The following CNTNAP2 variants were observed in gnomAD, a reference collection of about 807,000 sequenced individuals.
The protein encoded by CNTNAP2 is contactin associated protein 2.
A neutral mutation model predicts 155.2 loss-of-function variants in CNTNAP2; 98 were observed. The observed-to-expected ratio is 0.63, with a 90% CI of 0.54 to 0.75. The LOEUF (loss-of-function observed/expected upper bound fraction) is 0.75, where lower values mean the gene tolerates loss of function less well. CNTNAP2 is among the 30% of genes least tolerant of loss of function. The pLI, the probability that CNTNAP2 is intolerant of heterozygous loss-of-function variation, is 0.00. For synonymous variants in CNTNAP2, 651 were observed against 631.2 expected (o/e 1.03, Z -0.47); for missense variants, 1,727 against 1,688.1 (o/e 1.02, Z -0.40).
chr7:147,364,924 A>G (rs1442357618), intron 9 of CNTNAP2, among the ~76,000 whole-genome samples: 1 of 152,108 alleles, frequency 6.6e-6, no homozygotes, highest in African/African-American at 2.4e-5. Flanking sequence ...TTGATATACT[A>G]TGTCACAGGA....
At position 146,785,918 on chromosome 7, in the gene CNTNAP2, G is replaced by A. The variant is rs145967146; in HGVS notation, c.208+11537G>A. Reference sequence around the variant, plus strand: ...TTTGGGTAACAGAATACATTGTATCGGTCCTTAACACTGTATCTGGCTCAT... The same window carrying A: ...TTTGGGTAACAGAATACATTGTATCAGTCCTTAACACTGTATCTGGCTCAT... On this transcript the variant is annotated intron_variant, in intron 2 of 23. Coordinates refer to ENST00000361727, the MANE Select transcript of CNTNAP2 (RefSeq NM_014141.6). Among the ~76,000 whole-genome samples, 334 of 152,180 alleles carry A rather than the reference G, an allele frequency of 2.2e-3. 2 individuals are homozygous for A. The highest frequency in any genetic ancestry group is 7.7e-3 in the African/African-American group (318 of 41,520).
chr7:146,430,143 G>A (rs568811907), intron 1 of CNTNAP2, among the ~76,000 whole-genome samples: 15 of 151,296 alleles, frequency 9.9e-5, no homozygotes, highest in South Asian at 2.1e-4. Context: ...GAGAATATTC[G>A]CATCGATGTT....
intron 11 of CNTNAP2, among the ~76,000 whole-genome samples, chr7:147,515,680 G>T (rs192602452): frequency 6.6e-6 from 1 of 151,922 alleles, no homozygotes; most frequent in Admixed American, 6.6e-5. Context: ...CCTGTCTCCC[G>T]CAATTAGAAT....
chr7:146,625,517 T>G (rs564385099), intron 1 of CNTNAP2, among the ~76,000 whole-genome samples: 3 of 152,118 alleles, frequency 2.0e-5, no homozygotes, highest in South Asian at 4.1e-4. Flanking sequence ...TATTTTCAAA[T>G]TAACAAACTA....
chr7:148,160,626 TGCAATA>T (rs1484636715), intron 17 of CNTNAP2, among the ~76,000 whole-genome samples: 1 of 152,166 alleles, frequency 6.6e-6, no homozygotes, highest in Non-Finnish European at 1.5e-5. Flanking sequence ...AAAATAAAGA[TGCAATA>T]TTTTTTCCAT....
intron 8 of CNTNAP2, among the ~76,000 whole-genome samples, chr7:147,214,864 G>A (rs1379442747): frequency 6.6e-6 from 1 of 152,114 alleles, no homozygotes; most frequent in Non-Finnish European, 1.5e-5. Flanking sequence ...TTGACTCACA[G>A]TTCCACATGG....
Position 147,300,299 on chromosome 7 carries a change from G to A in CNTNAP2, c.1498+9G>A. Reference sequence around the variant, plus strand: ...GAAGTACTTTTTTGGAGGTAAGAATGCCATTCCTTTTTGGTTACTAATCCA... The same window carrying A: ...GAAGTACTTTTTTGGAGGTAAGAATACCATTCCTTTTTGGTTACTAATCCA... On this transcript the variant is annotated intron_variant, in intron 9 of 23. Transcript: ENST00000361727. The A allele has an allele frequency of 6.2e-7, 1 of 1,613,566 alleles. No individual in the cohort carries two copies. Among genetic ancestry groups the A allele is most frequent in the Non-Finnish European group, 8.5e-7 (1 of 1,179,722 alleles).
At chr7:146,569,311 G>T (rs2129145761) in intron 1 of CNTNAP2, among the ~76,000 whole-genome samples, 1 of 152,232 alleles carries the variant, frequency 6.6e-6, no homozygotes, top group East Asian at 1.9e-4. Context: ...GAGCCGCCGC[G>T]CCCGGCCTCT....
At chr7:147,094,488 G>C (rs997213105) in intron 4 of CNTNAP2, among the ~76,000 whole-genome samples, 1 of 145,376 alleles carries the variant, frequency 6.9e-6, no homozygotes, top group Non-Finnish European at 1.5e-5. Flanking sequence ...TGCAAGCTCC[G>C]CCTCCTGGGT....
intron 8 of CNTNAP2, among the ~76,000 whole-genome samples, chr7:147,154,055 G>T (rs1380135632): frequency 6.6e-6 from 1 of 151,896 alleles, no homozygotes; most frequent in Non-Finnish European, 1.5e-5. Context: ...AGGAGGTAAA[G>T]AAATTACATC....
chr7:146,791,742 G>A (rs548886393), intron 2 of CNTNAP2, among the ~76,000 whole-genome samples: 1 of 152,208 alleles, frequency 6.6e-6, no homozygotes, highest in African/African-American at 2.4e-5. Context: ...GATTCACTAA[G>A]GAGTGATAAA....
At chr7:147,669,630 A>C (rs1252436597) in intron 13 of CNTNAP2, among the ~76,000 whole-genome samples, 1 of 152,098 alleles carries the variant, frequency 6.6e-6, no homozygotes, top group East Asian at 1.9e-4. Context: ...AATGACTCCA[A>C]TTCACTTCCC....
At chr7:147,434,046 G>A (rs1797507952) in intron 10 of CNTNAP2, among the ~76,000 whole-genome samples, 1 of 152,102 alleles carries the variant, frequency 6.6e-6, no homozygotes, top group African/African-American at 2.4e-5. Flanking sequence ...GAAAAAAAAT[G>A]AAGGAGCTTT....
At chr7:146,138,910 AT>A (rs1797836220) in intron 1 of CNTNAP2, among the ~76,000 whole-genome samples, 1 of 152,144 alleles carries the variant, frequency 6.6e-6, no homozygotes, top group Non-Finnish European at 1.5e-5. Context: ...CTTATCAAAT[AT>A]ATGCTCCCCA....
chr7:147,006,433 GT>G (rs1798525603), intron 3 of CNTNAP2, among the ~76,000 whole-genome samples: 1 of 151,936 alleles, frequency 6.6e-6, no homozygotes, highest in South Asian at 2.1e-4. Flanking sequence ...TTTATGCCCT[GT>G]TTTTAGAGCT....
chr7:147,680,764 C>T (rs1002023139), intron 13 of CNTNAP2, among the ~76,000 whole-genome samples: 1 of 151,706 alleles, frequency 6.6e-6, no homozygotes, highest in Admixed American at 6.6e-5. Context: ...CTCTCTCTGT[C>T]TCCCTCTCTA....
intron 13 of CNTNAP2, among the ~76,000 whole-genome samples, chr7:147,862,362 G>A (rs6958954): frequency 0.6 from 90,609 of 151,958 alleles, 27,289 homozygotes; most frequent in Middle Eastern, 0.69. Context: ...GGCTTGTGTC[G>A]TATCCAAGAC....
chr7:146,521,132 G>T (rs897039499), intron 1 of CNTNAP2, among the ~76,000 whole-genome samples: 1 of 151,816 alleles, frequency 6.6e-6, no homozygotes, highest in Admixed American at 6.6e-5. Flanking sequence ...AAATAATATG[G>T]TCTGTAACAG....
At chr7:146,640,869 TA>T (rs1362079734) in intron 1 of CNTNAP2, among the ~76,000 whole-genome samples, 7 of 152,122 alleles carry the variant, frequency 4.6e-5, no homozygotes, top group Admixed American at 4.6e-4. Flanking sequence ...ATCTCACTGT[TA>T]GAGGTAATGT....
Sources: allele counts gnomAD v4.1 joint callset (sites outside exome capture counted in the v4.1 genomes callset), GRCh38; gene constraint gnomAD v4.1.1; transcripts MANE v1.5; gene names NCBI Gene and HGNC (gene_info 2026-07-23, HGNC 2026-07-21).